The following PADI4 variants were observed in gnomAD, a reference collection of about 807,000 sequenced individuals.
PADI4 encodes the protein peptidyl arginine deiminase 4.
A neutral mutation model predicts 75.0 loss-of-function variants in PADI4; 62 were observed. The observed-to-expected ratio is 0.83, with a 90% confidence interval of 0.67 to 1.02. PADI4 has a LOEUF of 1.02. Among genes scored for constraint, PADI4 ranks in the 50% least tolerant of loss-of-function variants. The probability of loss-of-function intolerance (pLI) is 0.00; values close to 1 mark genes in which losing one functional copy is unlikely to be tolerated. For missense variants in PADI4, 845 were observed against 850.5 expected, an observed-to-expected ratio of 0.99 and a Z score of 0.08; for synonymous variants, 361 against 348.1, an observed-to-expected ratio of 1.04 and a Z score of -0.41.
intron 13 of PADI4, among the ~76,000 whole-genome samples, chr1:17,357,861 G>A (rs1299897026): frequency 6.6e-6 from 1 of 151,632 alleles, no homozygotes; most frequent in African/African-American, 2.4e-5. Context: ...AACCCGGGAG[G>A]TGGAGGTTGC....
chr1:17,325,710 C>G (rs2074106896), intron 1 of PADI4, among the ~76,000 whole-genome samples: 1 of 96,098 alleles, frequency 1.0e-5, no homozygotes, highest in African/African-American at 4.5e-5. Flanking sequence ...CTACCACGTT[C>G]CTGATTTTTT....
In PADI4 at chr1:17,346,367, C is replaced by T. The variant is rs1171366197; in HGVS notation, c.1047+228C>T. Among the ~76,000 whole-genome samples the T allele has an allele frequency of 6.6e-6, 1 of 152,150 alleles. No individual in the cohort carries two copies. Among genetic ancestry groups the T allele is most frequent in the African/African-American group, 2.4e-5 (1 of 41,446 alleles). The stretch of plus-strand genomic sequence containing the variant: ...CACTGCAGTCACCAAGATGAAGCCA[C>T]CTTCCTGCTTGAAAACACTCAGGTG... On this transcript the variant is annotated intron_variant, in intron 9 of 15. Transcript: ENST00000375448. This position sits in a 1 kb window ranked among gnomAD's most constrained non-coding sequence, Gnocchi z 4.3.
chr1:17,318,834 C>T (rs968422022), intron 1 of PADI4, among the ~76,000 whole-genome samples: 6 of 152,032 alleles, frequency 3.9e-5, no homozygotes, highest in Non-Finnish European at 7.4e-5. Flanking sequence ...TACAGGCACC[C>T]GCCACAACTC....
chr1:17,334,102 A>G (rs753208690), intron 3 of PADI4, 93 bp downstream of exon 3: 102 of 815,406 alleles, frequency 1.3e-4, no homozygotes, highest in Non-Finnish European at 1.7e-4. Flanking sequence ...CTACACCTGG[A>G]GCTTACTTTA....
chr1:17,329,053 T>C (rs1396658007), intron 1 of PADI4, among the ~76,000 whole-genome samples: 2 of 138,832 alleles, frequency 1.4e-5, no homozygotes, highest in African/African-American at 5.0e-5. Flanking sequence ...ATATAATTTA[T>C]TAATAAAATA....
intron 1 of PADI4, among the ~76,000 whole-genome samples, chr1:17,311,625 C>T (rs7520668): frequency 6.6e-6 from 1 of 151,952 alleles, no homozygotes; most frequent in South Asian, 2.1e-4. Flanking sequence ...CCCGGGTTCA[C>T]GCAATTCTCC....
chr1:17,321,329 G>A (rs927848613), intron 1 of PADI4, among the ~76,000 whole-genome samples: 1 of 152,268 alleles, frequency 6.6e-6, no homozygotes, highest in Non-Finnish European at 1.5e-5. Context: ...CAGCACGGGG[G>A]ACCACTGGGG....
At chr1:17,363,041 T>C (rs2074868040) in intron 15 of PADI4, among the ~76,000 whole-genome samples, 1 of 152,170 alleles carries the variant, frequency 6.6e-6, no homozygotes, top group Admixed American at 6.5e-5. Flanking sequence ...GGTCTCGAGC[T>C]CCTGACCTCA....
intron 1 of PADI4, among the ~76,000 whole-genome samples, chr1:17,310,927 T>C (rs2073812713): frequency 1.3e-5 from 2 of 151,896 alleles, no homozygotes; most frequent in Admixed American, 1.3e-4. Flanking sequence ...TGAAACGCCG[T>C]CTCTACTAAA....
At chr1:17,355,347 T>G (rs1182753151) in intron 11 of PADI4, among the ~76,000 whole-genome samples, 1 of 151,842 alleles carries the variant, frequency 6.6e-6, no homozygotes, top group Non-Finnish European at 1.5e-5. Flanking sequence ...AGGTCAGGAG[T>G]TCGAGACCAG....
At chr1:17,359,247 T>TC (rs2074813166) in intron 14 of PADI4, 33 bp from the exon 15 acceptor site, 1 of 471,066 alleles carries the variant, frequency 2.1e-6, no homozygotes. Context: ...CTGCCATCAG[T>TC]CCCCCACTCA....
chr1:17,335,188 T>C (rs900414233), intron 3 of PADI4, among the ~76,000 whole-genome samples: 1 of 152,144 alleles, frequency 6.6e-6, no homozygotes, highest in Non-Finnish European at 1.5e-5. Context: ...ATGTAGCATA[T>C]AGAATCTTCA....
rs1053079050 is a variant in PADI4 at position 17,356,354 on chromosome 1, C to T, written c.1456-3C>T. 1.1e-5 allele frequency: 17 copies of T among 1,595,444 alleles called. No individual in the cohort carries two copies. Among genetic ancestry groups the T allele is most frequent in the Non-Finnish European group, 1.5e-5 (17 of 1,169,450 alleles). On this transcript the variant is annotated splice_region_variant and splice_polypyrimidine_tract_variant and intron_variant, in intron 12 of 15. Coordinates refer to ENST00000375448, the MANE Select transcript of PADI4 (RefSeq NM_012387.3). This position sits in a 1 kb window ranked among gnomAD's most constrained non-coding sequence, Gnocchi z 4.1. The stretch of plus-strand genomic sequence containing the variant: ...CTTCTAACCCCAGTGTTTCTGCCTC[C>T]AGGGCTTCCGGCTGCTCCTGGCCAG...
Position 17,334,023 on chromosome 1 carries a change from AGGAT to A in PADI4, c.340+15_340+18del, listed in dbSNP as rs771507230. 6.4e-7 allele frequency: 1 copy of A among 1,561,046 alleles called. No individual in the cohort carries two copies. On this transcript the variant is annotated intron_variant, in intron 3 of 15. Transcript: ENST00000375448. ...TCACCGGGGTGGGTAAGTGACAACC[AGGAT>A]CCTAGAGTGCCGTCTCATCCCCTGC...
chr1:17,324,145 G>GT (rs1557546284), intron 1 of PADI4, among the ~76,000 whole-genome samples: 7 of 140,932 alleles, frequency 5.0e-5, no homozygotes, highest in African/African-American at 1.9e-4. Context: ...CACCAAGTTG[G>GT]GTTTTTTTTG....
chr1:17,354,535 TC>T lies in PADI4; in HGVS notation c.1160del (p.Pro387GlnfsTer6). The T allele has an allele frequency of 1.9e-6, 3 of 1,614,096 alleles. No homozygotes were observed. In the South Asian group the frequency reaches 3.3e-5, roughly 18 times the overall value. ...KEFPIKRVMG[P>X]DFGYVTRGPQ... ...GGCACTCCCTTCTCCTATCTCAGGG[TC>T]CAGATTTTGGCTATGTAACTCGAGG... On this transcript the variant is annotated frameshift_variant, in exon 11 of 16. Coordinates refer to ENST00000375448, the MANE Select transcript of PADI4 (RefSeq NM_012387.3). LOFTEE classifies it high-confidence loss of function.
At chr1:17,311,339 C>T (rs530926664) in intron 1 of PADI4, among the ~76,000 whole-genome samples, 1 of 152,212 alleles carries the variant, frequency 6.6e-6, no homozygotes, top group African/African-American at 2.4e-5. Flanking sequence ...CCCACCCTGC[C>T]TCCAAATGCT....
intron 5 of PADI4, 69 bp from the exon 6 acceptor site, chr1:17,339,619 G>A (rs2074377935): frequency 1.3e-6 from 2 of 1,569,016 alleles, no homozygotes; most frequent in Non-Finnish European, 1.8e-6. Context: ...ACCAGGAGGT[G>A]AGGTGGCTAT....
At chr1:17,325,200 G>A (rs565735088) in intron 1 of PADI4, among the ~76,000 whole-genome samples, 1 of 152,148 alleles carries the variant, frequency 6.6e-6, no homozygotes, top group African/African-American at 2.4e-5. Flanking sequence ...ATACCTTTAC[G>A]GCAACAAGGC....
Sources: allele counts gnomAD v4.1 joint callset (sites outside exome capture counted in the v4.1 genomes callset), GRCh38; gene constraint gnomAD v4.1.1; non-coding constraint Gnocchi (gnomAD v3.1); transcripts MANE v1.5; gene names NCBI Gene and HGNC (gene_info 2026-07-23, HGNC 2026-07-21).